Variants in IQCK observed in about 807,000 individuals in gnomAD.
IQCK encodes the protein IQ domain-containing protein K.
IQCK carries 29 observed loss-of-function variants against 28.1 expected under a neutral mutation model. The ratio of observed to expected loss-of-function variants is 1.03; its 90% confidence interval spans 0.77 to 1.41. IQCK has a LOEUF of 1.41. Among genes scored for constraint, IQCK ranks in the 40% most tolerant of loss-of-function variants. IQCK has a pLI of 0.00. For missense variants in IQCK, 359 were observed against 314.7 expected (o/e 1.14, Z -1.07); for synonymous variants, 113 against 115.1 (o/e 0.98, Z 0.12).
Position 19,799,597 on chromosome 16 carries a change from T to TACACACAC in IQCK, c.690+10712_690+10719dup, listed in dbSNP as rs529119301. Among the ~76,000 whole-genome samples the TACACACAC allele has an allele frequency of 3.3e-4, 37 of 111,680 alleles. 2 individuals carry two copies. The highest frequency in any genetic ancestry group is 1.8e-3 in the African/African-American group (34 of 19,110). 73.3% of individuals were successfully genotyped at this position (111,680 alleles called of 152,430 possible). On this transcript the variant is annotated intron_variant, in intron 7 of 7. Coordinates refer to ENST00000564186, the Ensembl canonical transcript of IQCK. ...ATATTTTATTTTATATATATATATA[T>TACACACAC]ACACACACACACACACACACACACA...
intron 6 of IQCK, among the ~76,000 whole-genome samples, chr16:19,777,959 G>A (rs2055418092): frequency 6.6e-6 from 1 of 152,088 alleles, no homozygotes; most frequent in Non-Finnish European, 1.5e-5. Context: ...AGGCTGAGGT[G>A]AGAGAATTGC....
chr16:19,822,587 G>T (rs2056090205), intron 7 of IQCK, among the ~76,000 whole-genome samples: 1 of 152,038 alleles, frequency 6.6e-6, no homozygotes, highest in Admixed American at 6.6e-5. Flanking sequence ...TCCATTTGTA[G>T]GAAATATCCA....
At chr16:19,780,295 G>A (rs1318980197) in intron 6 of IQCK, among the ~76,000 whole-genome samples, 3 of 151,972 alleles carry the variant, frequency 2.0e-5, no homozygotes, top group African/African-American at 7.3e-5. Context: ...GCCGGCCTCC[G>A]CCTCCCAAAG....
chr16:19,778,144 G>A (rs1005422378), intron 6 of IQCK, among the ~76,000 whole-genome samples: 3 of 152,180 alleles, frequency 2.0e-5, no homozygotes, highest in Non-Finnish European at 2.9e-5. Context: ...TTAGTAAAGC[G>A]TTTTCCCTGA....
At chr16:19,739,941 C>T (rs1465914577) in intron 4 of IQCK, among the ~76,000 whole-genome samples, 3 of 152,194 alleles carry the variant, frequency 2.0e-5, no homozygotes, top group Non-Finnish European at 4.4e-5. Context: ...TCATCACCTC[C>T]CTTTTACCAA....
At chr16:19,767,094 G>T (rs746186996) in intron 6 of IQCK, among the ~76,000 whole-genome samples, 1 of 152,206 alleles carries the variant, frequency 6.6e-6, no homozygotes, top group Non-Finnish European at 1.5e-5. Context: ...CGCTTTTTCA[G>T]TGCCCTGCTG....
At chr16:19,810,504 A>G (rs529015951) in intron 7 of IQCK, among the ~76,000 whole-genome samples, 1 of 147,500 alleles carries the variant, frequency 6.8e-6, no homozygotes, top group Non-Finnish European at 1.5e-5. Flanking sequence ...CTCAAAAAAA[A>G]AAAAAGAAAA....
intron 9 of IQCK, among the ~76,000 whole-genome samples, chr16:19,849,520 G>T (rs1465986196): frequency 2.0e-5 from 3 of 151,838 alleles, no homozygotes; most frequent in Non-Finnish European, 4.4e-5. Flanking sequence ...TCAGCGCTTT[G>T]GGAGGCCAAG....
At chr16:19,781,742 A>G (rs1355715756) in intron 6 of IQCK, among the ~76,000 whole-genome samples, 1 of 152,032 alleles carries the variant, frequency 6.6e-6, no homozygotes, top group Non-Finnish European at 1.5e-5. Context: ...TAATCCCAGC[A>G]CCTTGGGAGG....
chr16:19,830,982 G>C (rs966204225), downstream of IQCK, among the ~76,000 whole-genome samples: 3 of 152,192 alleles, frequency 2.0e-5, no homozygotes, highest in Non-Finnish European at 4.4e-5. Flanking sequence ...GACCGTGTTT[G>C]TCTTATTCAT....
intron 2 of IQCK, among the ~76,000 whole-genome samples, chr16:19,731,988 T>C (rs1332437501): frequency 6.6e-6 from 1 of 152,214 alleles, no homozygotes; most frequent in Non-Finnish European, 1.5e-5. Context: ...GTGAGAGCCC[T>C]GGAGTCTCAA....
chr16:19,740,708 T>C (rs1216672016), intron 4 of IQCK, among the ~76,000 whole-genome samples: 1 of 152,098 alleles, frequency 6.6e-6, no homozygotes, highest in East Asian at 1.9e-4. Context: ...CGGTGGGTCA[T>C]GCCTGTAATG....
chr16:19,765,221 CAAAA>C (rs756571642), intron 6 of IQCK, among the ~76,000 whole-genome samples: 6 of 62,958 alleles, frequency 9.5e-5, no homozygotes, highest in Non-Finnish European at 1.9e-4. Flanking sequence ...GACTCCATCT[CAAAA>C]AAAAAAAAAA....
intron 1 of IQCK, 36 bp downstream of exon 1, chr16:19,718,523 C>T (rs1415470129): frequency 5.9e-6 from 9 of 1,519,262 alleles, no homozygotes; most frequent in Non-Finnish European, 7.9e-6. Context: ...GGGCGGGACC[C>T]GGGCGGCCGG....
At chr16:19,749,667 G>T (rs1020398864) in intron 4 of IQCK, among the ~76,000 whole-genome samples, 10 of 152,214 alleles carry the variant, frequency 6.6e-5, no homozygotes, top group African/African-American at 2.4e-4. Flanking sequence ...TCAGAAGGCT[G>T]AGGTGGGAGA....
chr16:19,815,453 C>A (rs750961405), intron 7 of IQCK, among the ~76,000 whole-genome samples: 16 of 152,240 alleles, frequency 1.1e-4, no homozygotes, highest in Admixed American at 4.6e-4. Context: ...GAGTTCAAGA[C>A]CAGCCTAGGC....
chr16:19,844,291 G>A (rs1323758281), intron 9 of IQCK, among the ~76,000 whole-genome samples: 1 of 152,066 alleles, frequency 6.6e-6, no homozygotes, highest in Non-Finnish European at 1.5e-5. Flanking sequence ...TGTTGGCCCG[G>A]CGGTGTTGAA....
At chr16:19,776,868 G>C (rs923170056) in intron 6 of IQCK, among the ~76,000 whole-genome samples, 1 of 152,130 alleles carries the variant, frequency 6.6e-6, no homozygotes, top group African/African-American at 2.4e-5. Context: ...CTCTTTTGTA[G>C]TATATAGTCG....
intron 9 of IQCK, among the ~76,000 whole-genome samples, chr16:19,845,144 C>T (rs1261532129): frequency 6.6e-6 from 1 of 152,218 alleles, no homozygotes; most frequent in East Asian, 1.9e-4. Flanking sequence ...GATGTTAGCC[C>T]TATCTGCCCT....
Sources: allele counts gnomAD v4.1 joint callset (sites outside exome capture counted in the v4.1 genomes callset), GRCh38; gene constraint gnomAD v4.1.1; transcripts MANE v1.5; gene names NCBI Gene and HGNC (gene_info 2026-07-23, HGNC 2026-07-21).